The following DAB1 variants were observed in gnomAD, a reference collection of about 807,000 sequenced individuals.
DAB1 encodes disabled homolog 1.
Under a neutral mutation model 64.6 loss-of-function variants are expected in DAB1, and 15 were observed. The observed-to-expected ratio is 0.23, with a 90% CI of 0.16 to 0.36. DAB1 has a LOEUF of 0.36. Among genes scored for constraint, DAB1 ranks in the 10% least tolerant of loss-of-function variants. DAB1 has a pLI of 1.00. For synonymous variants in DAB1, 235 were observed against 251.9 expected, an observed-to-expected ratio of 0.93 and a Z score of 0.64; for missense variants, 596 against 706.7, an observed-to-expected ratio of 0.84 and a Z score of 1.78.
At chr1:57,946,384 T>A (rs12045021) in intron 5 of DAB1, among the ~76,000 whole-genome samples, 1 of 152,198 alleles carries the variant, frequency 6.6e-6, no homozygotes, top group African/African-American at 2.4e-5. Context: ...TGACTGCTTG[T>A]TATTCCACAA....
chr1:58,249,918 C>T (rs966026921), intron 4 of DAB1, among the ~76,000 whole-genome samples: 4 of 152,208 alleles, frequency 2.6e-5, no homozygotes, highest in Non-Finnish European at 4.4e-5. Context: ...GCAGCCGCCG[C>T]CTTCCCGCTC....
intron 4 of DAB1, among the ~76,000 whole-genome samples, chr1:58,251,632 A>G (rs891142452): frequency 1.3e-5 from 2 of 152,194 alleles, no homozygotes; most frequent in Non-Finnish European, 2.9e-5. Flanking sequence ...GTGTGGCTAG[A>G]ATGTAGCAAG....
intron 2 of DAB1, among the ~76,000 whole-genome samples, chr1:57,243,547 C>T (rs1174622147): frequency 2.6e-5 from 4 of 152,132 alleles, no homozygotes; most frequent in South Asian, 4.1e-4. Context: ...ACCCACAGCC[C>T]GGACTCCCTA....
intron 6 of DAB1, among the ~76,000 whole-genome samples, chr1:57,675,883 C>T (rs576844390): frequency 1.8e-4 from 28 of 152,114 alleles, no homozygotes; most frequent in Admixed American, 8.5e-4. Context: ...TTAATAGAAA[C>T]ATGCAAAACT....
At chr1:58,475,036 G>A (rs1302405935) in intron 3 of DAB1, among the ~76,000 whole-genome samples, 1 of 152,126 alleles carries the variant, frequency 6.6e-6, no homozygotes, top group Non-Finnish European at 1.5e-5. Context: ...ATGGATTGGT[G>A]ATTCCAGGAA....
intron 4 of DAB1, among the ~76,000 whole-genome samples, chr1:58,190,112 C>A (rs1280839367): frequency 6.6e-6 from 1 of 152,160 alleles, no homozygotes; most frequent in African/African-American, 2.4e-5. Flanking sequence ...GGCATTTTTA[C>A]AAGATTTCCT....
chr1:57,301,778 G>A lies in DAB1; in HGVS notation c.-136-10612C>T, dbSNP rs570132551. Among the ~76,000 whole-genome samples, 132 of 152,220 alleles carry A rather than the reference G, an allele frequency of 8.7e-4. 1 individual carries two copies. The highest frequency in any genetic ancestry group is 2.9e-3 in the African/African-American group (119 of 41,532). On this transcript the variant is annotated intron_variant, in intron 1 of 14. Transcript: ENST00000371236. ...ATGACCCCAAGCTGCTCCACTTCAC[G>A]AGTGCCCTGGGCAGGGACTCATCCT...
chr1:57,474,725 T>A (rs769135072), intron 7 of DAB1, among the ~76,000 whole-genome samples: 10 of 152,200 alleles, frequency 6.6e-5, no homozygotes, highest in Non-Finnish European at 2.9e-5. Flanking sequence ...TTACAAAATA[T>A]TAGTTTTTAT....
At chr1:57,045,065 C>A (rs1296280788) in intron 9 of DAB1, among the ~76,000 whole-genome samples, 1 of 152,134 alleles carries the variant, frequency 6.6e-6, no homozygotes, top group African/African-American at 2.4e-5. Flanking sequence ...AGTAAATGAC[C>A]GAGCTAGAAT....
chr1:57,823,787 T>TA (rs1235332259), downstream of DAB1, among the ~76,000 whole-genome samples: 4 of 152,284 alleles, frequency 2.6e-5, no homozygotes, highest in African/African-American at 9.6e-5. Context: ...ATATGTCATC[T>TA]AATAGAATAA....
intron 1 of DAB1, among the ~76,000 whole-genome samples, chr1:57,416,165 T>C (rs1462803110): frequency 6.6e-6 from 1 of 152,178 alleles, no homozygotes; most frequent in Non-Finnish European, 1.5e-5. Context: ...TTGACATATA[T>C]ACCATAATAT....
chr1:57,744,926 G>A (rs1346696720), intron 6 of DAB1, among the ~76,000 whole-genome samples: 1 of 152,066 alleles, frequency 6.6e-6, no homozygotes, highest in African/African-American at 2.4e-5. Flanking sequence ...AACACAGTTT[G>A]GAAAACTGTG....
At chr1:58,113,920 C>A (rs931968418) in intron 5 of DAB1, among the ~76,000 whole-genome samples, 4 of 151,904 alleles carry the variant, frequency 2.6e-5, no homozygotes, top group Non-Finnish European at 4.4e-5. Context: ...AAGGTGCCCC[C>A]CCAAAGTGAG....
chr1:58,500,930 T>C (rs1438550223), intron 3 of DAB1, among the ~76,000 whole-genome samples: 2 of 152,194 alleles, frequency 1.3e-5, no homozygotes, highest in African/African-American at 4.8e-5. Context: ...GGTGTCTCTT[T>C]CAACGACAAA....
At chr1:58,395,915 C>G (rs1346812251) in intron 3 of DAB1, among the ~76,000 whole-genome samples, 1 of 152,048 alleles carries the variant, frequency 6.6e-6, no homozygotes, top group African/African-American at 2.4e-5. Context: ...AGCTGCCTTG[C>G]CTAGAATTGA....
chr1:57,223,612 T>A (rs530208153), intron 2 of DAB1, among the ~76,000 whole-genome samples: 92 of 152,244 alleles, frequency 6.0e-4, no homozygotes, highest in African/African-American at 2.0e-3. Context: ...AAGGATATGA[T>A]CCCTGGGCAG....
intron 4 of DAB1, among the ~76,000 whole-genome samples, chr1:58,180,281 C>CTTTTTTTTTTTTTTTTTTTTTTTTTTTTT (rs869204611): frequency 1.6e-5 from 1 of 61,034 alleles, no homozygotes; most frequent in African/African-American, 7.1e-5. Context: ...TTTTTCTTTT[C>CTTTTTTTTTTTTTTTTTTTTTTTTTTTTT]TTTTTTTTTT....
rs190488132 is a variant in DAB1, at chr1:58,485,069, A to G, written n.257+20991T>C. On this transcript the variant is annotated intron_variant and non_coding_transcript_variant, in intron 3 of 20. Coordinates refer to the DAB1 transcript ENST00000485760. Reference sequence around the variant, plus strand: ...TTGGGTGATAATGATGGGTCAACATAGGTTCATCAATTGTAACTAATATTA... The same window carrying G: ...TTGGGTGATAATGATGGGTCAACATGGGTTCATCAATTGTAACTAATATTA... Among the ~76,000 whole-genome samples, 10 of 152,124 alleles carry G rather than the reference A, an allele frequency of 6.6e-5. No homozygotes were observed. In the East Asian group the frequency reaches 1.9e-3, roughly 29 times the overall value.
upstream of DAB1, among the ~76,000 whole-genome samples, chr1:57,424,251 C>T (rs886080647): frequency 6.6e-5 from 10 of 151,224 alleles, no homozygotes; most frequent in Non-Finnish European, 1.0e-4. Flanking sequence ...GGCCTCGCGG[C>T]TCCCTCCGGG....
Sources: gnomAD v4.1 joint callset for allele counts (sites outside exome capture counted in the v4.1 genomes callset) on GRCh38, gnomAD v4.1.1 for gene constraint, MANE v1.5 for transcripts, NCBI Gene and HGNC (gene_info 2026-07-23, HGNC 2026-07-21) for gene names.